The following RRP9 variants were observed in gnomAD, a reference collection of about 807,000 sequenced individuals.
The protein encoded by RRP9 is U3 small nucleolar RNA-interacting protein 2.
In RRP9, 35 loss-of-function variants were observed where a neutral mutation model predicts 65.5. The ratio of observed to expected loss-of-function variants is 0.53; its 90% CI spans 0.41 to 0.71. The LOEUF (loss-of-function observed/expected upper bound fraction) is 0.71, where lower values mean the gene tolerates loss of function less well. Among genes scored for constraint, RRP9 ranks in the 30% least tolerant of loss-of-function variants. The probability of loss-of-function intolerance (pLI) is 0.00; values close to 1 mark genes in which losing one functional copy is unlikely to be tolerated. For synonymous variants in RRP9, 254 were observed against 245.0 expected (o/e 1.04, Z -0.34); for missense variants, 533 against 633.6 (o/e 0.84, Z 1.70).
chr3:51,937,237 C>T lies in RRP9; in HGVS notation c.472G>A (p.Asp158Asn). Reference sequence around the variant, plus strand: ...TTGGCAGCAGAGAAGATGGCTGAGTCATCGGGGGTGACGACCAAACATGTG... The same window carrying T: ...TTGGCAGCAGAGAAGATGGCTGAGTTATCGGGGGTGACGACCAAACATGTG... ...SITCLVVTPDDSAIFSAAKDC... is the reference protein window; with the variant it reads ...SITCLVVTPDNSAIFSAAKDC... The change falls in exon 6 of 15, where the codon GAC becomes AAC. Residue 158 changes from aspartate to asparagine, a missense_variant. Physicochemically the swap from Asp to Asn is conservative, Grantham distance 23. This residue lies in a region of RRP9 where 449 missense variants were observed against 550.6 expected (regional missense o/e 0.82). Coordinates refer to ENST00000232888, the MANE Select transcript of RRP9 (RefSeq NM_004704.5). This position sits in a 1 kb window ranked among gnomAD's most constrained non-coding sequence, Gnocchi z 5.0. 1.2e-6 allele frequency: 2 copies of T among 1,614,020 alleles called. No individual in the cohort carries two copies. The highest frequency in any genetic ancestry group is 2.2e-5 in the South Asian group (2 of 91,044).
chr3:51,935,089 T>C, intron 11 of RRP9, 108 bp downstream of exon 11: 3 of 1,215,310 alleles, frequency 2.5e-6, no homozygotes, highest in Non-Finnish European at 3.6e-6. Context: ...GAAAAGAGGT[T>C]ACAACAGCTC....
In RRP9 at chr3:51,938,124, T is replaced by C. The variant is rs1395258674; in HGVS notation, c.251A>G (p.Lys84Arg). 1.9e-6 allele frequency: 3 copies of C among 1,608,952 alleles called. No homozygotes were observed. The highest frequency in any genetic ancestry group is 2.7e-5 in the African/African-American group (2 of 74,870). ...CTGACGGAGCTGCTCTAGGTAGAGCTTGGCCAAGCGCAGCTTCTTTTCCTG... is the reference window on the plus strand; with the variant it reads ...CTGACGGAGCTGCTCTAGGTAGAGCCTGGCCAAGCGCAGCTTCTTTTCCTG... ...TAQEKKLRLA[K>R]LYLEQLRQQE... Residue 84 changes from lysine (K) to arginine (R), a missense_variant, in exon 3 of 15, where the codon AAG becomes AGG. Transcript: ENST00000232888.
chr3:51,941,563 C>G (rs959999352), intron 1 of RRP9, 72 bp from the exon 2 acceptor site: 39 of 1,395,578 alleles, frequency 2.8e-5, no homozygotes, highest in South Asian at 7.0e-5. Context: ...GCCCCCCCCC[C>G]TCGGTTCCCT....
Position 51,936,552 on chromosome 3 carries a change from C to T in RRP9, c.521G>A (p.Ser174Asn), listed in dbSNP as rs752854851. The change falls in exon 7 of 15, where the codon AGC becomes AAC. Residue 174 changes from serine (S) to asparagine (N), a missense_variant. Ser to Asn is a conservative substitution (Grantham distance 46). Around this residue, in one of 3 missense-constraint regions of RRP9, gnomAD observed 449 missense variants for 550.6 expected, o/e 0.82. Coordinates refer to ENST00000232888, the MANE Select transcript of RRP9 (RefSeq NM_004704.5). The part of the protein sequence containing the change: ...AAKDCSIIKW[S>N]VESGRKLHVI... ...ATGCAGCTTCCGTCCACTCTCCACG[C>T]TCCCTGCAGTTGGGGGTGGGGGAGA... The T allele has an allele frequency of 3.7e-6, 6 of 1,613,896 alleles. No homozygotes were observed. The highest frequency in any genetic ancestry group is 2.2e-5 in the South Asian group (2 of 91,068).
In RRP9 at chr3:51,937,294, T is replaced by C. The variant is rs751101934; in HGVS notation, c.415A>G (p.Ile139Val). 1.2e-6 allele frequency: 2 copies of C among 1,614,046 alleles called. No homozygotes were observed. The highest frequency in any genetic ancestry group is 1.1e-5 in the South Asian group (1 of 91,090). ...AGCTGGTGCCCCCGTAAAACGCGAA[T>C]GTCAGCTGAGGCTGGGGCCTGGATC... ...KEIQAPASAD[I>V]RVLRGHQLSI... is the part of the protein sequence containing the mutation. The change falls in exon 6 of 15, where the codon ATT (isoleucine) becomes GTT (valine). Residue 139 changes from isoleucine (I) to valine (V), a missense_variant. Physicochemically the swap from Ile to Val is conservative, Grantham distance 29 (BLOSUM62 3). Coordinates refer to ENST00000232888, the MANE Select transcript of RRP9 (RefSeq NM_004704.5). The surrounding 1 kb of genome is among the most constrained non-coding windows in gnomAD (Gnocchi z 5.0).
In RRP9 at chr3:51,934,463, C is replaced by T. The variant is rs1277315262; in HGVS notation, c.1260+9G>A. 2 of 1,611,126 alleles carry T rather than the reference C, an allele frequency of 1.2e-6. No homozygotes were observed. The highest frequency in any genetic ancestry group is 2.2e-5 in the East Asian group (1 of 44,890). On this transcript the variant is annotated intron_variant, in intron 13 of 14. Transcript: ENST00000232888. The surrounding 1 kb of genome is among the most constrained non-coding windows in gnomAD (Gnocchi z 4.1). The stretch of plus-strand genomic sequence containing the variant: ...GAGACAGGCTGAGCATTCAAGCACA[C>T]TCACTCACCAGGGGGATGTCACAGA...
chr3:51,938,327 G>T (rs918175186), intron 2 of RRP9, 123 bp from the exon 3 acceptor site: 1 of 706,518 alleles, frequency 1.4e-6, no homozygotes, highest in Non-Finnish European at 2.4e-6. Flanking sequence ...CCACATGGTC[G>T]GTGACTACAC....
At chr3:51,935,534 C>T in intron 9 of RRP9, 58 bp from the exon 10 acceptor site, 1 of 1,613,734 alleles carries the variant, frequency 6.2e-7, no homozygotes, top group Non-Finnish European at 8.5e-7. Flanking sequence ...AACTCACGGG[C>T]ACACACTCCC....
intron 2 of RRP9, among the ~76,000 whole-genome samples, chr3:51,940,790 G>C (rs1577653085): frequency 1.3e-5 from 2 of 152,098 alleles, no homozygotes; most frequent in Admixed American, 6.5e-5. Context: ...TGGGATTAGA[G>C]GCATGAGTTA....
Position 51,933,582 on chromosome 3 carries a change from C to G in RRP9, c.1352G>C (p.Arg451Thr). ...GACAGAATTCCGAGCCTCTTTGATTCTCCACCATCGGCCAAGCCTGCAGGG... is the reference window on the plus strand; with the variant it reads ...GACAGAATTCCGAGCCTCTTTGATTGTCCACCATCGGCCAAGCCTGCAGGG... Reference protein sequence around the residue: ...GQEHRLGRWWRIKEARNSVCI... With the variant: ...GQEHRLGRWWTIKEARNSVCI... The change falls in exon 15 of 15, where the codon AGA becomes ACA. Residue 451 changes from arginine to threonine, a missense_variant. Coordinates refer to ENST00000232888, the MANE Select transcript of RRP9 (RefSeq NM_004704.5). The G allele has an allele frequency of 6.2e-7, 1 of 1,614,086 alleles. No individual in the cohort carries two copies. Among genetic ancestry groups the G allele is most frequent in the Non-Finnish European group, 8.5e-7 (1 of 1,179,992 alleles).
chr3:51,935,552 C>G (rs747994400), intron 9 of RRP9, 40 bp downstream of exon 9: 5 of 1,613,490 alleles, frequency 3.1e-6, no homozygotes, highest in African/African-American at 2.7e-5. Context: ...CCCACACCCT[C>G]TCTCACACCA....
rs1699529371 is a variant in RRP9 at position 51,941,462 on chromosome 3, G to A, written c.117C>T (p.Ser39=). Reference sequence around the variant, plus strand: ...CCTCATTCATCTTGCCGCCACCCTTGGATTTGCCCCTGTCCCCCGCAGAGT... The same window carrying A: ...CCTCATTCATCTTGCCGCCACCCTTAGATTTGCCCCTGTCCCCCGCAGAGT... ...KADSAGDRGK[S]KGGGKMNEEI... Residue 39 remains serine, a synonymous_variant, in exon 2 of 15, where the codon TCC becomes TCT. Coordinates refer to ENST00000232888, the MANE Select transcript of RRP9 (RefSeq NM_004704.5). 3.1e-6 allele frequency: 5 copies of A among 1,614,082 alleles called. No individual in the cohort carries two copies. The East Asian group carries it at 1.1e-4, about 36-fold the overall frequency.
At chr3:51,935,282 G>A (rs377644700) in intron 10 of RRP9, 23 bp from the exon 11 acceptor site, 14 of 1,614,062 alleles carry the variant, frequency 8.7e-6, no homozygotes, top group South Asian at 6.6e-5. Flanking sequence ...GCTGTGAGGA[G>A]CGTGGCCCAA....
rs1397470811 is a variant in RRP9 at position 51,937,800 on chromosome 3, C to A, written c.281-64G>T. 6.3e-7 allele frequency: 1 copy of A among 1,575,774 alleles called. No homozygotes were observed. Among genetic ancestry groups the A allele is most frequent in the South Asian group, 1.1e-5 (1 of 89,624 alleles). ...GACCCCTCTTTCCCTTCCATCCTGTCCCCATCCCACTGCCCCAGGGCTGGA... is the reference window on the plus strand; with the variant it reads ...GACCCCTCTTTCCCTTCCATCCTGTACCCATCCCACTGCCCCAGGGCTGGA... On this transcript the variant is annotated intron_variant, in intron 3 of 14. Coordinates refer to ENST00000232888, the MANE Select transcript of RRP9 (RefSeq NM_004704.5). This position sits in a 1 kb window ranked among gnomAD's most constrained non-coding sequence, Gnocchi z 5.0.
intron 8 of RRP9, 35 bp from the exon 9 acceptor site, chr3:51,935,727 G>C: frequency 6.4e-7 from 1 of 1,551,688 alleles, no homozygotes; most frequent in Non-Finnish European, 8.9e-7. Context: ...AAGGGGACCT[G>C]GACTACAGCA....
chr3:51,941,562 CCT>C, intron 1 of RRP9, 71 bp from the exon 2 acceptor site: 1 of 1,401,336 alleles, frequency 7.1e-7, no homozygotes, highest in South Asian at 1.2e-5. Flanking sequence ...GGCCCCCCCC[CCT>C]CGGTTCCCTC....
Position 51,941,833 on chromosome 3 carries a change from T to A in RRP9, c.35A>T (p.Lys12Met), listed in dbSNP as rs747899468. 1.9e-6 allele frequency: 3 copies of A among 1,583,048 alleles called. No individual in the cohort carries two copies. Among genetic ancestry groups the A allele is most frequent in the Non-Finnish European group, 2.6e-6 (3 of 1,172,896 alleles). Reference sequence around the variant, plus strand: ...GCCAGCCCCGGCCCCAGAGGCCGGCTTTCCCCGCTTACGAGCAGCCGCTGT... The same window carrying A: ...GCCAGCCCCGGCCCCAGAGGCCGGCATTCCCCGCTTACGAGCAGCCGCTGT... Reference protein sequence around the residue: ...SATAAARKRGKPASGAGAGAG... With the variant: ...SATAAARKRGMPASGAGAGAG... The change falls in exon 1 of 15, where the codon AAG becomes ATG. Residue 12 changes from lysine (K) to methionine (M), a missense_variant. Coordinates refer to ENST00000232888, the MANE Select transcript of RRP9 (RefSeq NM_004704.5).
At chr3:51,938,033 G>A (rs1195522500) in intron 3 of RRP9, 62 bp downstream of exon 3, 12 of 1,337,946 alleles carry the variant, frequency 9.0e-6, no homozygotes, top group South Asian at 4.0e-5. Context: ...GGGCTGCAGC[G>A]GCGGGCAGCA....
rs1327185927 is a variant in RRP9 at position 51,941,766 on chromosome 3, A to T, written c.87+15T>A. ...TAGCAGGGCTGACCGCGGCCCTCAG[A>T]AGCGCCATGCTCACCTTTCGCCGCC... On this transcript the variant is annotated intron_variant, in intron 1 of 14. Transcript: ENST00000232888. The T allele has an allele frequency of 6.5e-7, 1 of 1,549,174 alleles. No homozygotes were observed. The highest frequency in any genetic ancestry group is 8.7e-7 in the Non-Finnish European group (1 of 1,153,774).
Sources: gnomAD v4.1 joint callset for allele counts (sites outside exome capture counted in the v4.1 genomes callset) on GRCh38, gnomAD v4.1.1 for gene constraint, gnomAD v4.1.1 regional missense constraint, Gnocchi (gnomAD v3.1) non-coding constraint, MANE v1.5 for transcripts, NCBI Gene and HGNC (gene_info 2026-07-23, HGNC 2026-07-21) for gene names.